Variants in RASEF observed in about 807,000 individuals in gnomAD.
The protein encoded by RASEF is RAS and EF-hand domain containing, also known as ras and EF-hand domain-containing protein.
In RASEF, 68 loss-of-function variants were observed where a neutral mutation model predicts 90.1. The observed-to-expected ratio is 0.75, with a 90% CI of 0.62 to 0.92. The LOEUF is 0.92. RASEF is among the 40% of genes least tolerant of loss of function. RASEF has a pLI of 0.00. For synonymous variants in RASEF, 331 were observed against 345.2 expected (o/e 0.96, Z 0.46); for missense variants, 949 against 937.2 (o/e 1.01, Z -0.16).
the RASEF span, among the ~76,000 whole-genome samples, chr9:83,105,514 G>T: frequency 6.6e-6 from 1 of 152,082 alleles, no homozygotes; most frequent in African/African-American, 2.4e-5. Context: ...GTGTATTTGT[G>T]TTTTCACTTG....
the RASEF span, among the ~76,000 whole-genome samples, chr9:83,139,618 G>A: frequency 6.6e-6 from 1 of 152,136 alleles, no homozygotes; most frequent in Non-Finnish European, 1.5e-5. Context: ...CTGAGGAGGA[G>A]GAGGAACAGG....
At chr9:83,069,752 A>G in the RASEF span, among the ~76,000 whole-genome samples, 1 of 152,208 alleles carries the variant, frequency 6.6e-6, no homozygotes, top group African/African-American at 2.4e-5. Flanking sequence ...TGCTTTCCAA[A>G]GTGACTGTAC....
At chr9:83,209,145 G>T in the RASEF span, among the ~76,000 whole-genome samples, 1 of 152,198 alleles carries the variant, frequency 6.6e-6, no homozygotes, top group Non-Finnish European at 1.5e-5. Flanking sequence ...AGGAGCAGAG[G>T]TTTCTTTCCA....
At chr9:83,164,206 A>G in the RASEF span, among the ~76,000 whole-genome samples, 1 of 151,250 alleles carries the variant, frequency 6.6e-6, no homozygotes. Flanking sequence ...CTACATAAAG[A>G]AAGGATGAGC....
chr9:83,058,625 C>T (rs565746244), intron 1 of RASEF, among the ~76,000 whole-genome samples: 4 of 152,216 alleles, frequency 2.6e-5, no homozygotes, highest in African/African-American at 9.6e-5. Context: ...AACTAGAACC[C>T]AAGAAAGGGA....
chr9:83,165,233 C>T, the RASEF span, among the ~76,000 whole-genome samples: 2 of 151,962 alleles, frequency 1.3e-5, no homozygotes, highest in Non-Finnish European at 2.9e-5. Context: ...GGGACATTCA[C>T]CAAAAACAGA....
chr9:82,989,624 T>C (rs754678676), intron 16 of RASEF, among the ~76,000 whole-genome samples: 11 of 152,338 alleles, frequency 7.2e-5, no homozygotes, highest in South Asian at 2.1e-4. Flanking sequence ...AAGATTCTTA[T>C]AAAACCTTAC....
chr9:82,993,857 C>T (rs1828859146), intron 14 of RASEF, among the ~76,000 whole-genome samples: 1 of 152,194 alleles, frequency 6.6e-6, no homozygotes, highest in Non-Finnish European at 1.5e-5. Context: ...GTCTCTGCAG[C>T]TTTCCGCTCC....
chr9:83,044,578 T>C (rs1587519225), intron 1 of RASEF, among the ~76,000 whole-genome samples: 1 of 152,304 alleles, frequency 6.6e-6, no homozygotes, highest in African/African-American at 2.4e-5. Context: ...TTTAGGCATT[T>C]GGAAGGTGGG....
intron 16 of RASEF, among the ~76,000 whole-genome samples, chr9:82,984,735 C>G (rs1299645883): frequency 6.6e-6 from 1 of 152,174 alleles, no homozygotes; most frequent in South Asian, 2.1e-4. Flanking sequence ...TGTGGGAGTT[C>G]ATTACAAGGA....
At chr9:83,006,689 G>A (rs1257112880) in intron 7 of RASEF, among the ~76,000 whole-genome samples, 5 of 152,020 alleles carry the variant, frequency 3.3e-5, no homozygotes, top group Non-Finnish European at 7.4e-5. Context: ...TTTCTACTTG[G>A]GGAGAGGGAA....
At chr9:83,056,584 A>G (rs1830107338) in intron 1 of RASEF, among the ~76,000 whole-genome samples, 1 of 152,258 alleles carries the variant, frequency 6.6e-6, no homozygotes, top group African/African-American at 2.4e-5. Flanking sequence ...GTACAAATGA[A>G]AAAAGATTGG....
intron 1 of RASEF, among the ~76,000 whole-genome samples, chr9:83,040,351 T>A (rs1829816014): frequency 6.6e-6 from 1 of 152,202 alleles, no homozygotes; most frequent in African/African-American, 2.4e-5. Context: ...TGTGGGGGCA[T>A]TTTTAACAAA....
chr9:83,048,385 C>T, intron 1 of RASEF: 1 of 985,382 alleles, frequency 1.0e-6, no homozygotes. Flanking sequence ...CCCAGGCCAT[C>T]TACCTCGTGA....
At chr9:83,155,833 C>A in the RASEF span, among the ~76,000 whole-genome samples, 389 of 152,270 alleles carry the variant, frequency 2.6e-3, 7 homozygotes, top group African/African-American at 8.6e-3. Context: ...CAAGACAGAG[C>A]CAAAGTGGTG....
intron 1 of RASEF, among the ~76,000 whole-genome samples, chr9:83,026,257 C>T (rs1829546531): frequency 1.3e-5 from 2 of 152,074 alleles, no homozygotes; most frequent in Non-Finnish European, 2.9e-5. Context: ...TACTTAATTC[C>T]ATGTTTCATC....
At chr9:83,040,655 C>G (rs1257350177) in intron 1 of RASEF, among the ~76,000 whole-genome samples, 1 of 152,114 alleles carries the variant, frequency 6.6e-6, no homozygotes. Context: ...TGAATTAGCA[C>G]TGATTATATA....
the RASEF span, among the ~76,000 whole-genome samples, chr9:83,157,732 C>A: frequency 6.6e-6 from 1 of 152,220 alleles, no homozygotes; most frequent in African/African-American, 2.4e-5. Flanking sequence ...ATCTTTTCAA[C>A]TACAATGAGC....
At chr9:83,115,068 C>G in the RASEF span, among the ~76,000 whole-genome samples, 1 of 152,180 alleles carries the variant, frequency 6.6e-6, no homozygotes. Context: ...TTTAAAATTT[C>G]TCTCTTTGTA....
Sources: gnomAD v4.1 joint callset for allele counts (sites outside exome capture counted in the v4.1 genomes callset) on GRCh38, gnomAD v4.1.1 for gene constraint, MANE v1.5 for transcripts, NCBI Gene and HGNC (gene_info 2026-07-23, HGNC 2026-07-21) for gene names.